The following GRIN2A variants were observed in gnomAD, a reference collection of about 807,000 sequenced individuals.
GRIN2A encodes glutamate receptor ionotropic, NMDA 2A.
A neutral mutation model predicts 113.4 loss-of-function variants in GRIN2A; 22 were observed. That is an observed-to-expected ratio of 0.19 (90% CI 0.14 to 0.28). The LOEUF (loss-of-function observed/expected upper bound fraction) is 0.28. Among genes scored for constraint, GRIN2A ranks in the 10% least tolerant of loss-of-function variants. The probability of loss-of-function intolerance (pLI) is 1.00; values close to 1 mark genes in which losing one functional copy is unlikely to be tolerated. For synonymous variants in GRIN2A, 827 were observed against 738.4 expected (o/e 1.12, Z -1.94); for missense variants, 1,502 against 1,887.0 (o/e 0.80, Z 3.78).
intron 2 of GRIN2A, among the ~76,000 whole-genome samples, chr16:10,105,967 G>GAT (rs2048492765): frequency 7.7e-6 from 1 of 129,850 alleles, no homozygotes; most frequent in Admixed American, 7.3e-5. Context: ...TATATGCAAA[G>GAT]GTATATGTAT....
intron 4 of GRIN2A, among the ~76,000 whole-genome samples, chr16:9,862,463 C>A (rs2043087294): frequency 6.6e-6 from 1 of 152,170 alleles, no homozygotes; most frequent in South Asian, 2.1e-4. Context: ...CAACCCGCAT[C>A]TCTGCTTCCA....
At chr16:9,769,223 T>G (rs1314285423) in intron 11 of GRIN2A, 134 bp from the exon 12 acceptor site, 1 of 733,844 alleles carries the variant, frequency 1.4e-6, no homozygotes, top group Non-Finnish European at 2.4e-6. Flanking sequence ...GTTTGCTGGG[T>G]TTCCATTTGC....
chr16:9,883,198 G>T (rs570587574), intron 4 of GRIN2A, among the ~76,000 whole-genome samples: 5 of 152,296 alleles, frequency 3.3e-5, no homozygotes, highest in Admixed American at 3.3e-4. Context: ...ATGAGATAAT[G>T]AATGTAAAAT....
chr16:9,942,970 C>T (rs1177647006), intron 2 of GRIN2A, among the ~76,000 whole-genome samples: 5 of 152,180 alleles, frequency 3.3e-5, no homozygotes, highest in African/African-American at 4.8e-5. Context: ...TCACATTTAA[C>T]TTTGGGATTT....
chr16:9,914,961 G>T (rs1158883300), intron 3 of GRIN2A, among the ~76,000 whole-genome samples: 2 of 88,676 alleles, frequency 2.3e-5, no homozygotes, highest in African/African-American at 4.3e-5. Context: ...TAATGAGACG[G>T]AATCTCACTC....
intron 3 of GRIN2A, among the ~76,000 whole-genome samples, chr16:9,900,533 A>G (rs956151018): frequency 1.3e-5 from 2 of 152,108 alleles, no homozygotes; most frequent in Non-Finnish European, 1.5e-5. Flanking sequence ...CCTCCTCCCA[A>G]CTCCACAGAG....
chr16:10,111,624 G>T (rs10852257), intron 2 of GRIN2A: 3 of 1,412,426 alleles, frequency 2.1e-6, no homozygotes, highest in Non-Finnish European at 3.0e-6. Context: ...TGGCCATCGC[G>T]ATGGCTCTGA....
At chr16:10,021,636 T>C (rs919390872) in intron 2 of GRIN2A, among the ~76,000 whole-genome samples, 7 of 152,032 alleles carry the variant, frequency 4.6e-5, no homozygotes, top group African/African-American at 1.7e-4. Context: ...TGATGCATAA[T>C]GATGAGAAAT....
chr16:10,163,174 G>A (rs1034743052), intron 2 of GRIN2A, among the ~76,000 whole-genome samples: 10 of 152,182 alleles, frequency 6.6e-5, no homozygotes, highest in South Asian at 4.1e-4. Context: ...ACATGGGAGT[G>A]GGGAGTGGGC....
chr16:10,074,412 A>G (rs2047827473), intron 2 of GRIN2A, among the ~76,000 whole-genome samples: 1 of 152,260 alleles, frequency 6.6e-6, no homozygotes, highest in African/African-American at 2.4e-5. Context: ...ACAGATGTTC[A>G]AACAATAACT....
chr16:10,112,391 C>G lies in GRIN2A; in HGVS notation c.414+67607G>C. 4.3e-6 allele frequency: 3 copies of G among 690,250 alleles called. No homozygotes were observed. The South Asian group carries it at 4.8e-5, about 11-fold the overall frequency. The allele number at this position is 690,250 out of a possible 1,614,324, so 42.8% of individuals were successfully genotyped here. A position where few individuals can be genotyped will look rare whatever the true frequency, so the allele number is the denominator to read the frequency against. On this transcript the variant is annotated intron_variant, in intron 2 of 12. Coordinates refer to ENST00000330684, the MANE Select transcript of GRIN2A (RefSeq NM_001134407.3). ...TCTGCATCACCCAGGAAGTGATGGC[C>G]TGCGGTCAGCCCCAGGGCACTGCTG...
Position 9,939,573 on chromosome 16 carries a change from A to G in GRIN2A, c.415-1022T>C, listed in dbSNP as rs533017432. 5.9e-5 allele frequency among the ~76,000 whole-genome samples: 9 copies of G among 152,300 alleles called. No homozygotes were observed. In the South Asian group the frequency reaches 1.9e-3, roughly 32 times the overall value. On this transcript the variant is annotated intron_variant, in intron 2 of 12. Coordinates refer to ENST00000330684, the MANE Select transcript of GRIN2A (RefSeq NM_001134407.3). Reference sequence around the variant, plus strand: ...GGCAGGTGATGCATACAGTGGTACAATATACAAACTGCCTTCATACCCCCT... The same window carrying G: ...GGCAGGTGATGCATACAGTGGTACAGTATACAAACTGCCTTCATACCCCCT...
In GRIN2A at chr16:9,943,587, CT is replaced by C. The variant is rs2044943288; in HGVS notation, c.415-5037del. ...TACAAAGCCCATCCACACCCATTATCTCTTTGATCCTAACTACTCAAGAGAT... is the reference window on the plus strand; with the variant it reads ...TACAAAGCCCATCCACACCCATTATCCTTTGATCCTAACTACTCAAGAGAT... On this transcript the variant is annotated intron_variant, in intron 2 of 12. Coordinates refer to ENST00000330684, the MANE Select transcript of GRIN2A (RefSeq NM_001134407.3). Among the ~76,000 whole-genome samples the C allele has an allele frequency of 5.9e-5, 9 of 152,324 alleles. No individual in the cohort carries two copies. The South Asian group carries it at 1.9e-3, about 32-fold the overall frequency.
intron 2 of GRIN2A, among the ~76,000 whole-genome samples, chr16:10,110,569 G>A (rs934406058): frequency 1.6e-4 from 25 of 152,328 alleles, no homozygotes; most frequent in African/African-American, 5.8e-4. Context: ...GGGGTGCATG[G>A]GCAAGGGAGA....
chr16:10,146,431 C>G (rs1276243375), intron 2 of GRIN2A, among the ~76,000 whole-genome samples: 4 of 152,192 alleles, frequency 2.6e-5, no homozygotes, highest in Admixed American at 2.6e-4. Context: ...ATAGAATCCC[C>G]TAAAGGTGGA....
At chr16:9,897,957 G>A (rs1457915664) in intron 3 of GRIN2A, among the ~76,000 whole-genome samples, 1 of 151,730 alleles carries the variant, frequency 6.6e-6, no homozygotes, top group East Asian at 1.9e-4. Context: ...CTATGTTGTT[G>A]AGGTTTCATG....
intron 2 of GRIN2A, among the ~76,000 whole-genome samples, chr16:10,160,131 T>C (rs1000402297): frequency 2.0e-5 from 3 of 152,220 alleles, no homozygotes; most frequent in Non-Finnish European, 4.4e-5. Context: ...CCACCATGTT[T>C]GTGATGATAA....
At chr16:10,136,000 G>A (rs745570913) in intron 2 of GRIN2A, among the ~76,000 whole-genome samples, 8 of 152,090 alleles carry the variant, frequency 5.3e-5, no homozygotes, top group Non-Finnish European at 7.4e-5. Flanking sequence ...AGCTTCTCAC[G>A]CATTCCTCTA....
intron 10 of GRIN2A, among the ~76,000 whole-genome samples, chr16:9,804,209 T>C (rs531722727): frequency 1.8e-4 from 27 of 152,268 alleles, no homozygotes; most frequent in African/African-American, 5.1e-4. Flanking sequence ...TTAATTTCCA[T>C]AGTAGACAGT....
Sources: gnomAD v4.1 joint callset for allele counts (sites outside exome capture counted in the v4.1 genomes callset) on GRCh38, gnomAD v4.1.1 for gene constraint, MANE v1.5 for transcripts, NCBI Gene and HGNC (gene_info 2026-07-23, HGNC 2026-07-21) for gene names.